The following IRAG1 variants were observed in gnomAD, a reference collection of about 807,000 sequenced individuals.
IRAG1 encodes the protein IP3R-associated cGMP kinase substrate.
In IRAG1, 62 loss-of-function variants were observed where a neutral mutation model predicts 106.2. The ratio of observed to expected loss-of-function variants is 0.58; its 90% CI spans 0.48 to 0.72. The LOEUF (loss-of-function observed/expected upper bound fraction) is 0.72. Among genes scored for constraint, IRAG1 ranks in the 30% least tolerant of loss-of-function variants. IRAG1 has a pLI of 0.00. For synonymous variants in IRAG1, 462 were observed against 443.9 expected (o/e 1.04, Z -0.51); for missense variants, 1,064 against 1,140.7 (o/e 0.93, Z 0.97).
At position 10,593,513 on chromosome 11, in the gene IRAG1, G is replaced by T; in HGVS notation, c.2154C>A (p.Ser718=). 1.9e-6 allele frequency: 3 copies of T among 1,613,684 alleles called. No homozygotes were observed. Among genetic ancestry groups the T allele is most frequent in the Non-Finnish European group, 2.5e-6 (3 of 1,179,644 alleles). Residue 718 remains serine (S), a synonymous_variant, in exon 17 of 21, where the codon TCC becomes TCA. Coordinates refer to ENST00000423302, the MANE Select transcript of IRAG1 (RefSeq NM_130385.4). ...TTACCAAGGCTGGTAAGGAGGGAAT[G>T]GATGATGAGCTGGGAGTTTGGCCAG... ...NLPGQTPSSS[S]IPSLPALSES...
intron 1 of IRAG1, among the ~76,000 whole-genome samples, chr11:10,675,796 G>A (rs1441238004): frequency 2.0e-5 from 3 of 152,152 alleles, no homozygotes; most frequent in Non-Finnish European, 4.4e-5. Flanking sequence ...GAGTGCTGCG[G>A]TCTTTACTAA....
chr11:10,618,931 G>C (rs1194455394), intron 10 of IRAG1, among the ~76,000 whole-genome samples: 1 of 152,204 alleles, frequency 6.6e-6, no homozygotes, highest in Non-Finnish European at 1.5e-5. Flanking sequence ...CGGCTGCTGT[G>C]TTGGCCATGG....
intron 17 of IRAG1, 77 bp downstream of exon 17, chr11:10,593,415 T>TGAGTA: frequency 5.5e-6 from 7 of 1,280,928 alleles, no homozygotes; most frequent in Non-Finnish European, 6.6e-6. Context: ...TTGGTCACCC[T>TGAGTA]CCCTGCCCTA....
At chr11:10,623,985 G>C (rs1343286693) in intron 9 of IRAG1, 129 bp from the exon 10 acceptor site, 1 of 762,000 alleles carries the variant, frequency 1.3e-6, no homozygotes, top group African/African-American at 1.7e-5. Flanking sequence ...GAGGTGGGTG[G>C]GCAGGCATGG....
At chr11:10,672,483 G>A (rs1860314655) in intron 1 of IRAG1, among the ~76,000 whole-genome samples, 1 of 152,126 alleles carries the variant, frequency 6.6e-6, no homozygotes, top group Non-Finnish European at 1.5e-5. Context: ...ATGATAAAAA[G>A]ACAAGTAATA....
chr11:10,640,075 T>C (rs1234673637), intron 2 of IRAG1, among the ~76,000 whole-genome samples: 1 of 152,162 alleles, frequency 6.6e-6, no homozygotes, highest in African/African-American at 2.4e-5. Flanking sequence ...TAACCTCCAC[T>C]GCTATTACTA....
rs1277182302 is a variant in IRAG1 at position 10,574,201 on chromosome 11, G to A, written c.*2131C>T. The A allele has an allele frequency of 1.3e-5, 2 of 152,238 alleles. No individual in the cohort carries two copies. The highest frequency in any genetic ancestry group is 4.8e-5 in the African/African-American group (2 of 41,450). 9.4% of individuals were successfully genotyped at this position (152,238 alleles called of 1,614,324 possible). Reference sequence around the variant, plus strand: ...CTGGTCTCATTCCTGCTCTCTCACAGAGTAGACTGAAAAACAGAATAAGCT... The same window carrying A: ...CTGGTCTCATTCCTGCTCTCTCACAAAGTAGACTGAAAAACAGAATAAGCT... On this transcript the variant is annotated 3_prime_UTR_variant, in exon 21 of 21. Transcript: ENST00000423302.
chr11:10,633,209 G>A (rs577967173), intron 3 of IRAG1, among the ~76,000 whole-genome samples: 12 of 151,722 alleles, frequency 7.9e-5, no homozygotes, highest in African/African-American at 2.2e-4. Flanking sequence ...CGAGTAGCTG[G>A]GACTACAGGC....
chr11:10,589,461 G>A (rs1591555536), intron 18 of IRAG1, among the ~76,000 whole-genome samples: 1 of 151,946 alleles, frequency 6.6e-6, no homozygotes, highest in Non-Finnish European at 1.5e-5. Context: ...GTAGAGACAG[G>A]GTTTCACCAT....
chr11:10,581,808 T>G (rs1359203432), intron 19 of IRAG1, 59 bp downstream of exon 19: 1 of 1,585,150 alleles, frequency 6.3e-7, no homozygotes, highest in Non-Finnish European at 8.6e-7. Context: ...GAAAGACCCA[T>G]GGGAAGGCAT....
At chr11:10,662,343 A>G (rs1264982403) in intron 1 of IRAG1, among the ~76,000 whole-genome samples, 2 of 152,126 alleles carry the variant, frequency 1.3e-5, no homozygotes, top group Non-Finnish European at 2.9e-5. Context: ...TTAATGGCCA[A>G]GTTTTTCTCT....
intron 17 of IRAG1, 97 bp from the exon 18 acceptor site, chr11:10,591,709 G>A: frequency 9.0e-7 from 1 of 1,113,070 alleles, no homozygotes; most frequent in Non-Finnish European, 1.3e-6. Context: ...CGGGGCTGCT[G>A]CTTCTCCTCT....
At chr11:10,579,774 T>C (rs1174235011) in intron 20 of IRAG1, among the ~76,000 whole-genome samples, 5 of 152,188 alleles carry the variant, frequency 3.3e-5, no homozygotes, top group African/African-American at 4.8e-5. Flanking sequence ...TTCTGCATCC[T>C]AAAGGCCAGG....
chr11:10,674,090 G>A (rs185874555), intron 1 of IRAG1, among the ~76,000 whole-genome samples: 1 of 152,298 alleles, frequency 6.6e-6, no homozygotes, highest in African/African-American at 2.4e-5. Context: ...TTTACAGAGC[G>A]CCTACCAAGT....
intron 1 of IRAG1, among the ~76,000 whole-genome samples, chr11:10,660,512 C>G (rs1001114358): frequency 6.6e-6 from 1 of 152,100 alleles, no homozygotes; most frequent in Non-Finnish European, 1.5e-5. Context: ...ATATCAGGGC[C>G]TTTTCCCCCC....
At chr11:10,620,400 G>A (rs1334134711) in intron 10 of IRAG1, among the ~76,000 whole-genome samples, 1 of 151,764 alleles carries the variant, frequency 6.6e-6, no homozygotes, top group African/African-American at 2.4e-5. Flanking sequence ...GCCAATTAAG[G>A]GCTAATATCT....
chr11:10,641,962 T>C (rs12795823), intron 2 of IRAG1, among the ~76,000 whole-genome samples: 13,370 of 152,200 alleles, frequency 0.088, 795 homozygotes, highest in African/African-American at 0.15. Context: ...TCACCTCCCC[T>C]GGTTCCTGGT....
chr11:10,591,862 A>G (rs1852711711), intron 17 of IRAG1, among the ~76,000 whole-genome samples: 1 of 152,110 alleles, frequency 6.6e-6, no homozygotes, highest in East Asian at 1.9e-4. Flanking sequence ...TTAAGTGAAG[A>G]GGAAAGTTTA....
intron 2 of IRAG1, among the ~76,000 whole-genome samples, chr11:10,634,993 C>A (rs1225761879): frequency 6.6e-6 from 1 of 152,112 alleles, no homozygotes; most frequent in Non-Finnish European, 1.5e-5. Context: ...ACTATTCATG[C>A]ACTAAGATTA....
Sources: allele counts gnomAD v4.1 joint callset (sites outside exome capture counted in the v4.1 genomes callset), GRCh38; gene constraint gnomAD v4.1.1; transcripts MANE v1.5; gene names NCBI Gene and HGNC (gene_info 2026-07-23, HGNC 2026-07-21).